BCO1: variants seen among roughly 807,000 people sequenced by gnomAD.
BCO1 encodes the protein beta,beta-carotene 15,15'-dioxygenase.
In BCO1, 54 loss-of-function variants were observed where a neutral mutation model predicts 56.3. That is an observed-to-expected ratio of 0.96 (90% CI 0.77 to 1.20). The LOEUF is 1.20. Ranked by LOEUF, BCO1 falls within the 50% of genes most tolerant of loss-of-function variation. BCO1 has a pLI of 0.00. For synonymous variants in BCO1, 318 were observed against 266.1 expected, an observed-to-expected ratio of 1.20 and a Z score of -1.90; for missense variants, 801 against 690.9, an observed-to-expected ratio of 1.16 and a Z score of -1.79.
At chr16:81,263,695 G>A (rs928669154) in intron 4 of BCO1, 3 of 152,200 alleles carry the variant, frequency 2.0e-5, no homozygotes, top group African/African-American at 7.2e-5. Flanking sequence ...TAGGCAAAAA[G>A]CTAGGGCACA....
intron 5 of BCO1, 100 bp downstream of exon 5, chr16:81,264,887 C>A: frequency 7.4e-7 from 1 of 1,354,776 alleles, no homozygotes; most frequent in Non-Finnish European, 1.0e-6. Flanking sequence ...CAGTGTGGTA[C>A]TTTCTCCCGT....
In BCO1 at chr16:81,238,766, C is replaced by T. The variant is rs367579790; in HGVS notation, c.-143C>T. 18 of 764,608 alleles carry T rather than the reference C, an allele frequency of 2.4e-5. No individual in the cohort carries two copies. Among genetic ancestry groups the T allele is most frequent in the South Asian group, 8.8e-5 (6 of 67,822 alleles). The allele number at this position is 764,608 out of a possible 1,614,324, so 47.4% of individuals were successfully genotyped here. A position where few individuals can be genotyped will look rare whatever the true frequency, so the allele number is the denominator to read the frequency against. ...AAAAAGGAAAAAGCAAAGGCAGAAACGGCATCAGGAGAGACAGAGATGTGA... is the reference window on the plus strand; with the variant it reads ...AAAAAGGAAAAAGCAAAGGCAGAAATGGCATCAGGAGAGACAGAGATGTGA... On this transcript the variant is annotated 5_prime_UTR_variant, in exon 1 of 11. In the 5' UTR this introduces an upstream ATG that the reference lacks. Transcript: ENST00000258168.
chr16:81,245,171 C>T (rs537416321), intron 1 of BCO1, among the ~76,000 whole-genome samples: 1 of 152,272 alleles, frequency 6.6e-6, no homozygotes, highest in African/African-American at 2.4e-5. Context: ...GGATTACAGG[C>T]GTGAGCCAAC....
chr16:81,288,703 G>A (rs1908314526), intron 10 of BCO1, among the ~76,000 whole-genome samples: 1 of 152,202 alleles, frequency 6.6e-6, no homozygotes, highest in South Asian at 2.1e-4. Flanking sequence ...TCCATTCTCA[G>A]AAATGCTTCA....
At chr16:81,264,900 A>G in intron 5 of BCO1, 113 bp downstream of exon 5, 1 of 1,216,286 alleles carries the variant, frequency 8.2e-7, no homozygotes, top group Admixed American at 1.8e-5. Context: ...TCTCCCGTAG[A>G]TTATTGAGGT....
intron 8 of BCO1, 52 bp from the exon 9 acceptor site, chr16:81,285,488 G>A: frequency 2.3e-6 from 3 of 1,326,060 alleles, no homozygotes; most frequent in Middle Eastern, 1.9e-4. Flanking sequence ...AAGGGTGGAT[G>A]CTCCCAGCCC....
At chr16:81,274,220 C>G (rs1239116141) in intron 7 of BCO1, among the ~76,000 whole-genome samples, 4 of 149,490 alleles carry the variant, frequency 2.7e-5, no homozygotes, top group Non-Finnish European at 5.9e-5. Flanking sequence ...GAATGCTTTG[C>G]TGCCTTGGAA....
intron 10 of BCO1, 53 bp downstream of exon 10, chr16:81,287,459 T>G (rs1908251220): frequency 7.0e-7 from 1 of 1,420,620 alleles, no homozygotes; most frequent in Admixed American, 1.7e-5. Flanking sequence ...CAGATCGCCC[T>G]CCAACAGAGA....
At chr16:81,267,725 A>G (rs60812708) in intron 5 of BCO1, among the ~76,000 whole-genome samples, 183 bp from the exon 6 acceptor site, 1 of 152,076 alleles carries the variant, frequency 6.6e-6, no homozygotes, top group African/African-American at 2.4e-5. Flanking sequence ...GTGGGTGCTG[A>G]GTGGAAGGTC....
chr16:81,241,068 A>C (rs913080315), intron 1 of BCO1, among the ~76,000 whole-genome samples: 1 of 152,118 alleles, frequency 6.6e-6, no homozygotes, highest in Non-Finnish European at 1.5e-5. Context: ...TCCCAACCTC[A>C]GTTGATCCGC....
intron 8 of BCO1, among the ~76,000 whole-genome samples, chr16:81,283,228 C>G (rs1297102528): frequency 6.6e-6 from 1 of 152,072 alleles, no homozygotes; most frequent in African/African-American, 2.4e-5. Flanking sequence ...AAGGACCGGG[C>G]ATGGTGATTC....
intron 7 of BCO1, among the ~76,000 whole-genome samples, chr16:81,273,484 G>A (rs946016932): frequency 1.3e-5 from 2 of 152,050 alleles, no homozygotes; most frequent in Non-Finnish European, 2.9e-5. Context: ...CCCAGCCAGC[G>A]GGCAGGGGAG....
chr16:81,270,894 G>A (rs971711501), intron 7 of BCO1, among the ~76,000 whole-genome samples: 5 of 151,988 alleles, frequency 3.3e-5, no homozygotes, highest in African/African-American at 7.2e-5. Flanking sequence ...ACAGGTGCCC[G>A]CCACCATGCC....
chr16:81,265,373 A>C (rs548813296), intron 5 of BCO1, among the ~76,000 whole-genome samples: 2 of 137,980 alleles, frequency 1.4e-5, no homozygotes, highest in South Asian at 4.7e-4. Context: ...CCATCCACCC[A>C]CCATGAATCC....
At chr16:81,242,391 G>A (rs7192614) in intron 1 of BCO1, among the ~76,000 whole-genome samples, 58,215 of 151,538 alleles carry the variant, frequency 0.38, 11,512 homozygotes, top group African/African-American at 0.48. Context: ...AGTAGTGACG[G>A]GGTTTCACCA....
rs1395807940 is a variant in BCO1, at chr16:81,290,546, C to T, written c.1613C>T (p.Ala538Val). ...GCTTCTGAGGAACAGCGGGACAGGG[C>T]TTCCGACTGCCACGGGGCTCCTCTG... ...QAASEEQRDR[A>V]SDCHGAPLT The change falls in exon 11 of 11, where the codon GCT (alanine) becomes GTT (valine). Residue 538 changes from alanine to valine, a missense_variant. By Grantham distance (64) the Ala-to-Val change is moderately conservative. Coordinates refer to ENST00000258168, the MANE Select transcript of BCO1 (RefSeq NM_017429.3). 11 of 1,613,958 alleles carry T rather than the reference C, an allele frequency of 6.8e-6. No individual in the cohort carries two copies. Among genetic ancestry groups the T allele is most frequent in the Middle Eastern group, 1.7e-4 (1 of 6,060 alleles).
intron 1 of BCO1, among the ~76,000 whole-genome samples, chr16:81,243,509 C>T (rs779401241): frequency 6.6e-6 from 1 of 151,858 alleles, no homozygotes; most frequent in Non-Finnish European, 1.5e-5. Flanking sequence ...TGCTCTGTCA[C>T]CCAGGCTGGA....
chr16:81,243,193 AC>A (rs1905216836), intron 1 of BCO1, among the ~76,000 whole-genome samples: 1 of 151,900 alleles, frequency 6.6e-6, no homozygotes, highest in African/African-American at 2.4e-5. Context: ...ATACACTAGA[AC>A]CCCCTGAACT....
intron 3 of BCO1, chr16:81,261,894 A>C (rs896896230): frequency 2.6e-5 from 11 of 417,236 alleles, no homozygotes; most frequent in African/African-American, 2.0e-4. Context: ...GGCGCCTGCC[A>C]CCACGCCCGG....
Sources: allele counts gnomAD v4.1 joint callset (sites outside exome capture counted in the v4.1 genomes callset), GRCh38; gene constraint gnomAD v4.1.1; transcripts MANE v1.5; gene names NCBI Gene and HGNC (gene_info 2026-07-23, HGNC 2026-07-21).